THSD4: variants seen among roughly 807,000 people sequenced by gnomAD.
THSD4 encodes thrombospondin type 1 domain containing 4.
A neutral mutation model predicts 119.0 loss-of-function variants in THSD4; 69 were observed. That is an observed-to-expected ratio of 0.58 (90% CI 0.48 to 0.71). The LOEUF (loss-of-function observed/expected upper bound fraction) is 0.71, where lower values mean the gene tolerates loss of function less well. THSD4 is among the 30% of genes least tolerant of loss of function. THSD4 has a pLI of 0.00. For missense variants in THSD4, 1,393 were observed against 1,391.1 expected (o/e 1.00, Z -0.02); for synonymous variants, 524 against 540.4 (o/e 0.97, Z 0.42).
rs796609680 is a variant in THSD4 at position 71,109,731 on chromosome 15, G to GGAAAA, written c.-80+12725_-80+12726insGAAAA. On this transcript the variant is annotated intron_variant, in intron 1 of 17. Coordinates refer to the THSD4 transcript ENST00000355327. ...AGTGGTGAAAGGAAACACTAAAAGAGAAAAAAAAAAAAAAGGAACGTGGGA... is the reference window on the plus strand; with the variant it reads ...AGTGGTGAAAGGAAACACTAAAAGAGGAAAAAAAAAAAAAAAAAAGGAACGTGGGA... 7.7e-3 allele frequency among the ~76,000 whole-genome samples: 1,022 copies of GGAAAA among 132,678 alleles called. 17 individuals carry two copies. The highest frequency in any genetic ancestry group is 0.026 in the African/African-American group (948 of 36,812). The allele number at this position is 132,678 out of a possible 152,430, so 87.0% of individuals were successfully genotyped here. A position where few individuals can be genotyped will look rare whatever the true frequency, so the allele number is the denominator to read the frequency against.
At chr15:71,630,424 T>C (rs1327240673) in intron 7 of THSD4, among the ~76,000 whole-genome samples, 1 of 152,190 alleles carries the variant, frequency 6.6e-6, no homozygotes, top group African/African-American at 2.4e-5. Context: ...AACATTTGTT[T>C]ATATTTTACC....
At chr15:71,166,631 C>T (rs1379506942) in intron 3 of THSD4, among the ~76,000 whole-genome samples, 1 of 152,100 alleles carries the variant, frequency 6.6e-6, no homozygotes, top group Non-Finnish European at 1.5e-5. Context: ...GGATATCTCA[C>T]TTCCCTCTCT....
intron 7 of THSD4, among the ~76,000 whole-genome samples, chr15:71,534,167 C>G (rs944715299): frequency 1.3e-5 from 2 of 152,134 alleles, no homozygotes; most frequent in African/African-American, 4.8e-5. Context: ...CCGTGCTGGT[C>G]TCTAACTCCT....
chr15:71,720,790 A>G (rs2052707322), intron 8 of THSD4, among the ~76,000 whole-genome samples: 1 of 152,246 alleles, frequency 6.6e-6, no homozygotes, highest in Non-Finnish European at 1.5e-5. Context: ...CTGGTGGCCA[A>G]TGATGTCTGA....
intron 6 of THSD4, among the ~76,000 whole-genome samples, chr15:71,347,617 G>A (rs1272787353): frequency 6.6e-6 from 1 of 152,120 alleles, no homozygotes; most frequent in East Asian, 1.9e-4. Context: ...CAGGTACAGG[G>A]GCTGCCATGG....
chr15:71,568,511 G>T (rs1303540484), intron 7 of THSD4, among the ~76,000 whole-genome samples: 1 of 150,664 alleles, frequency 6.6e-6, no homozygotes, highest in African/African-American at 2.4e-5. Flanking sequence ...TAAAGTGCAA[G>T]TACCAACAGA....
intron 8 of THSD4, among the ~76,000 whole-genome samples, chr15:71,696,685 C>T (rs1220156135): frequency 6.6e-6 from 1 of 152,100 alleles, no homozygotes; most frequent in Non-Finnish European, 1.5e-5. Context: ...AAAATCACAC[C>T]CTTGGCATAC....
intron 6 of THSD4, among the ~76,000 whole-genome samples, chr15:71,358,391 T>G (rs562940223): frequency 6.6e-6 from 1 of 152,308 alleles, no homozygotes; most frequent in African/African-American, 2.4e-5. Context: ...TGTCATAAGA[T>G]AGGACTTGGG....
chr15:71,620,089 G>T (rs2050393948), intron 7 of THSD4, among the ~76,000 whole-genome samples: 2 of 152,112 alleles, frequency 1.3e-5, no homozygotes, highest in Admixed American at 6.5e-5. Context: ...TAAGAAGGAG[G>T]CATAGAGGAA....
At chr15:71,172,680 TAC>T (rs1491470498) in intron 3 of THSD4, among the ~76,000 whole-genome samples, 7 of 66,958 alleles carry the variant, frequency 1.0e-4, no homozygotes, top group African/African-American at 2.9e-4. Flanking sequence ...AATAGACCTA[TAC>T]ATATATATAT....
intron 7 of THSD4, among the ~76,000 whole-genome samples, chr15:71,612,529 C>T (rs2140913107): frequency 6.6e-6 from 1 of 152,268 alleles, no homozygotes; most frequent in African/African-American, 2.4e-5. Flanking sequence ...CACTGTTAGG[C>T]TGTTTTCTGG....
chr15:71,109,143 A>T (rs1384059952), intron 1 of THSD4, among the ~76,000 whole-genome samples: 1 of 152,228 alleles, frequency 6.6e-6, no homozygotes, highest in African/African-American at 2.4e-5. Flanking sequence ...TTCTGGATGA[A>T]CACCTAATAC....
chr15:71,711,576 C>T (rs563647193), intron 8 of THSD4, among the ~76,000 whole-genome samples: 1 of 152,062 alleles, frequency 6.6e-6, no homozygotes, highest in African/African-American at 2.4e-5. Flanking sequence ...AGAGCGAAAT[C>T]TAGTCATGAC....
At chr15:71,701,078 A>G (rs991145454) in intron 8 of THSD4, among the ~76,000 whole-genome samples, 2 of 152,180 alleles carry the variant, frequency 1.3e-5, no homozygotes, top group African/African-American at 4.8e-5. Flanking sequence ...AGACACTATT[A>G]AAGTCAAATG....
intron 1 of THSD4, among the ~76,000 whole-genome samples, chr15:71,106,496 G>A (rs2040274722): frequency 6.6e-6 from 1 of 152,002 alleles, no homozygotes; most frequent in African/African-American, 2.4e-5. Context: ...AATGATCTGG[G>A]GTAAAGTTGC....
intron 6 of THSD4, among the ~76,000 whole-genome samples, chr15:71,370,712 AT>A (rs1167870164): frequency 6.6e-6 from 1 of 152,190 alleles, no homozygotes; most frequent in Admixed American, 6.5e-5. Flanking sequence ...TATGTGGTCA[AT>A]TTTAGAATAA....
intron 1 of THSD4, among the ~76,000 whole-genome samples, chr15:71,099,156 C>T (rs2040243940): frequency 6.6e-6 from 1 of 152,192 alleles, no homozygotes; most frequent in Non-Finnish European, 1.5e-5. Flanking sequence ...ATTTCTCTGG[C>T]CACAGACCTT....
rs72761507 is a variant in THSD4, at chr15:71,328,973, T to A, written c.1015+72258T>A. 5.0e-3 allele frequency among the ~76,000 whole-genome samples: 760 copies of A among 152,266 alleles called. 1 individual carries two copies. The highest frequency in any genetic ancestry group is 8.7e-3 in the Non-Finnish European group (592 of 68,008). ...TCTAAGTTTCTCTCCAACTCTACAG[T>A]CTGATGGTTCTAGTACTACAAGATC... On this transcript the variant is annotated intron_variant, in intron 6 of 17. Coordinates refer to ENST00000261862, the MANE Select transcript of THSD4 (RefSeq NM_024817.3).
chr15:71,172,323 T>C (rs2043375079), intron 3 of THSD4, among the ~76,000 whole-genome samples: 1 of 151,504 alleles, frequency 6.6e-6, no homozygotes, highest in African/African-American at 2.4e-5. Flanking sequence ...AAACTCTGTC[T>C]CAAAAAAAAA....
Sources: allele counts gnomAD v4.1 joint callset (sites outside exome capture counted in the v4.1 genomes callset), GRCh38; gene constraint gnomAD v4.1.1; transcripts MANE v1.5; gene names NCBI Gene and HGNC (gene_info 2026-07-23, HGNC 2026-07-21).